Variants in XAF1 observed in about 807,000 individuals in gnomAD.
XAF1 encodes XIAP associated factor 1.
XAF1 carries 32 observed loss-of-function variants against 32.3 expected under a neutral mutation model. The ratio of observed to expected loss-of-function variants is 0.99; its 90% CI spans 0.75 to 1.33. The LOEUF is 1.33. Among genes scored for constraint, XAF1 ranks in the 40% most tolerant of loss-of-function variants. The pLI, the probability that XAF1 is intolerant of heterozygous loss-of-function variation, is 0.00. For missense variants in XAF1, 379 were observed against 366.0 expected, an observed-to-expected ratio of 1.04 and a Z score of -0.29; for synonymous variants, 120 against 125.9, an observed-to-expected ratio of 0.95 and a Z score of 0.31.
At position 6,770,837 on chromosome 17, in the gene XAF1, C is replaced by G. The variant is rs1157178535; in HGVS notation, c.702C>G (p.Ser234Arg). The G allele has an allele frequency of 8.1e-6, 13 of 1,613,572 alleles. No individual in the cohort carries two copies. Among genetic ancestry groups the G allele is most frequent in the Non-Finnish European group, 9.3e-6 (11 of 1,179,854 alleles). Residue 234 changes from serine (S) to arginine (R), a missense_variant, in exon 6 of 7, where the codon AGC (serine) becomes AGG (arginine). Physicochemically the swap from Ser to Arg is moderately radical, Grantham distance 110. Coordinates refer to ENST00000361842, the MANE Select transcript of XAF1 (RefSeq NM_017523.5). ...GTTCATCAAAGAAAGCACCAAGAAG[C>G]AAAAACAAAACCTTGGATCCACTTT... ...SESSSKKAPR[S>R]KNKTLDPLLM...
Position 6,775,330 on chromosome 17 carries a change from G to C in XAF1, c.*2161G>C, listed in dbSNP as rs929849705. ...CAAAAAACTACCTATCTGGTACTAT[G>C]CTTTTTATCTGGATGATGAAATAAT... On this transcript the variant is annotated 3_prime_UTR_variant, in exon 7 of 7. Coordinates refer to ENST00000361842, the MANE Select transcript of XAF1 (RefSeq NM_017523.5). 5.9e-5 allele frequency: 9 copies of C among 152,116 alleles called. No homozygotes were observed. Among genetic ancestry groups the C allele is most frequent in the African/African-American group, 2.2e-4 (9 of 41,420 alleles). 9.4% of individuals were successfully genotyped at this position (152,116 alleles called of 1,614,324 possible).
chr17:6,755,702 G>T, upstream of XAF1: 1 of 1,059,704 alleles, frequency 9.4e-7, no homozygotes, highest in South Asian at 3.3e-5. Context: ...CCGGAGATGG[G>T]GGAGAAGGGT....
At chr17:6,758,336 A>T in intron 2 of XAF1, 112 bp downstream of exon 2, 9 of 1,472,614 alleles carry the variant, frequency 6.1e-6, no homozygotes, top group Non-Finnish European at 8.2e-6. Context: ...TCCTCCCTGC[A>T]GGTGAGATGG....
intron 1 of XAF1, among the ~76,000 whole-genome samples, chr17:6,756,475 T>C (rs993190348): frequency 2.0e-5 from 3 of 151,086 alleles, no homozygotes; most frequent in African/African-American, 7.3e-5. Context: ...TGAAAGAAAG[T>C]GTCCCACGGA....
intron 1 of XAF1, among the ~76,000 whole-genome samples, chr17:6,757,244 C>A (rs1352945218): frequency 6.6e-6 from 1 of 152,172 alleles, no homozygotes; most frequent in Non-Finnish European, 1.5e-5. Flanking sequence ...CTCAGGTGAT[C>A]CACCCGCCTC....
At chr17:6,762,338 G>A in intron 5 of XAF1, 98 bp downstream of exon 5, 1 of 985,602 alleles carries the variant, frequency 1.0e-6, no homozygotes, top group South Asian at 1.7e-5. Flanking sequence ...ATTTTACATA[G>A]CATGGATATT....
chr17:6,756,876 G>A (rs1211892875), intron 1 of XAF1, among the ~76,000 whole-genome samples: 2 of 152,168 alleles, frequency 1.3e-5, no homozygotes, highest in Non-Finnish European at 2.9e-5. Flanking sequence ...ACATGGGCAT[G>A]TAACTCTTCT....
intron 4 of XAF1, 111 bp from the exon 5 acceptor site, chr17:6,762,044 C>A: frequency 6.4e-7 from 1 of 1,569,522 alleles, no homozygotes; most frequent in South Asian, 1.2e-5. Context: ...CCAGGCAGGT[C>A]CGGGGGGCAG....
At chr17:6,755,859 G>A, upstream of XAF1, 1 of 1,377,812 alleles carries the variant, frequency 7.3e-7, no homozygotes, top group Non-Finnish European at 9.4e-7. Context: ...TGTGACAGCA[G>A]CAAAGAATGA....
chr17:6,760,583 C>G lies in XAF1; in HGVS notation c.403C>G (p.Gln135Glu), dbSNP rs779728297. The stretch of plus-strand genomic sequence containing the variant: ...GCACAGAGATGTCTGTCGCAGTGAA[C>G]AGGCCCAGCTCGGGAAAGGTAAGCA... ...AQHRDVCRSEQAQLGKGERIS... is the reference protein window; with the variant it reads ...AQHRDVCRSEEAQLGKGERIS... Residue 135 changes from glutamine to glutamate, a missense_variant, in exon 4 of 7, where the codon CAG (glutamine) becomes GAG (glutamate). Transcript: ENST00000361842. 1 of 1,610,184 alleles carries G rather than the reference C, an allele frequency of 6.2e-7. No homozygotes were observed. The highest frequency in any genetic ancestry group is 1.1e-5 in the South Asian group (1 of 90,936).
intron 4 of XAF1, chr17:6,761,799 CAG>C: frequency 7.7e-7 from 1 of 1,299,522 alleles, no homozygotes; most frequent in African/African-American, 1.5e-5. Flanking sequence ...GGTCTGATCA[CAG>C]AGTCTGAAAA....
In XAF1 at chr17:6,770,708, T is replaced by C; in HGVS notation, c.573T>C (p.Pro191=). 1 of 1,612,452 alleles carries C rather than the reference T, an allele frequency of 6.2e-7. No homozygotes were observed. The highest frequency in any genetic ancestry group is 8.5e-7 in the Non-Finnish European group (1 of 1,179,642). ...HFPVGNPEIL[P]SSLPSQAAEN... is the part of the protein sequence containing the mutation. ...CTGTTGGAAATCCAGAAATTCTTCC[T>C]TCATCTCTTCCAAGTCAAGCTGCTG... Residue 191 remains proline (P), a synonymous_variant, in exon 6 of 7, where the codon CCT becomes CCC. Coordinates refer to ENST00000361842, the MANE Select transcript of XAF1 (RefSeq NM_017523.5).
At position 6,759,629 on chromosome 17, in the gene XAF1, G is replaced by GGTGTGT. The variant is rs3833979; in HGVS notation, c.169-10_169-5dup. ...CTGGGTGCTGGGTGGACCCACATCTGGTGTGTGTGTGTGTGTGTGTGTGTG... is the reference window on the plus strand; with the variant it reads ...CTGGGTGCTGGGTGGACCCACATCTGGTGTGTGTGTGTGTGTGTGTGTGTGTGTGTG... On this transcript the variant is annotated intron_variant, in intron 2 of 6. Coordinates refer to ENST00000361842, the MANE Select transcript of XAF1 (RefSeq NM_017523.5). 380 of 1,512,408 alleles carry GGTGTGT rather than the reference G, an allele frequency of 2.5e-4. 1 individual carries two copies. In the African/African-American group the frequency reaches 3.2e-3, roughly 13 times the overall value. The allele number at this position is 1,512,408 out of a possible 1,614,324, so 93.7% of individuals were successfully genotyped here. A position where few individuals can be genotyped will look rare whatever the true frequency, so the allele number is the denominator to read the frequency against.
intron 5 of XAF1, among the ~76,000 whole-genome samples, chr17:6,762,998 G>A (rs914487267): frequency 6.6e-6 from 1 of 152,198 alleles, no homozygotes; most frequent in Non-Finnish European, 1.5e-5. Flanking sequence ...GGTAAACCAC[G>A]TATAATGTAA....
chr17:6,773,082 A>T (rs775083372), intron 6 of XAF1, 31 bp from the exon 7 acceptor site: 2 of 1,591,690 alleles, frequency 1.3e-6, no homozygotes, highest in Non-Finnish European at 1.7e-6. Context: ...TACTTTAACC[A>T]TATCAAACTT....
chr17:6,768,893 G>T (rs1241035023), intron 5 of XAF1, among the ~76,000 whole-genome samples: 1 of 151,994 alleles, frequency 6.6e-6, no homozygotes, highest in African/African-American at 2.4e-5. Flanking sequence ...TTAATATAAA[G>T]ATTTATGTCA....
rs1002725699 is a variant in XAF1, at chr17:6,775,405, C to T, written c.*2236C>T. On this transcript the variant is annotated 3_prime_UTR_variant, in exon 7 of 7. Coordinates refer to ENST00000361842, the MANE Select transcript of XAF1 (RefSeq NM_017523.5). ...GCAATTTACCTATATAGCAAGCCTA[C>T]ACATGTGCCCCTGAACCTAAAAAAA... The T allele has an allele frequency of 6.6e-6, 1 of 152,088 alleles. No homozygotes were observed. The highest frequency in any genetic ancestry group is 6.5e-5 in the Admixed American group (1 of 15,280). The allele number at this position is 152,088 out of a possible 1,614,324, so 9.4% of individuals were successfully genotyped here.
Position 6,773,378 on chromosome 17 carries a change from G to C in XAF1, c.*209G>C, listed in dbSNP as rs926681772. On this transcript the variant is annotated 3_prime_UTR_variant, in exon 7 of 7. Coordinates refer to ENST00000361842, the MANE Select transcript of XAF1 (RefSeq NM_017523.5). ...TTGATAAAATTCAACTTGACTTCAT[G>C]TTAAAAACCCTCAACAAACCAGGCG... 1 of 485,770 alleles carries C rather than the reference G, an allele frequency of 2.1e-6. No homozygotes were observed. Among genetic ancestry groups the C allele is most frequent in the African/African-American group, 2.0e-5 (1 of 48,784 alleles). 30.1% of individuals were successfully genotyped at this position (485,770 alleles called of 1,614,324 possible).
chr17:6,767,166 T>C (rs1407159858), intron 5 of XAF1, among the ~76,000 whole-genome samples: 1 of 152,204 alleles, frequency 6.6e-6, no homozygotes, highest in Non-Finnish European at 1.5e-5. Flanking sequence ...CTGTATTCTA[T>C]AAGTATGTAT....
Sources: gnomAD v4.1 joint callset for allele counts (sites outside exome capture counted in the v4.1 genomes callset) on GRCh38, gnomAD v4.1.1 for gene constraint, MANE v1.5 for transcripts, NCBI Gene and HGNC (gene_info 2026-07-23, HGNC 2026-07-21) for gene names.